The following MEI4 variants were observed in gnomAD, a reference collection of about 807,000 sequenced individuals.
The protein encoded by MEI4 is meiotic double-stranded break formation protein 4, also known as meiosis-specific protein MEI4.
In MEI4, 27 loss-of-function variants were observed where a neutral mutation model predicts 31.4. The ratio of observed to expected loss-of-function variants is 0.86; its 90% CI spans 0.63 to 1.19. The LOEUF is 1.19. MEI4 is among the 50% of genes most tolerant of loss of function. MEI4 has a pLI of 0.00. For missense variants in MEI4, 329 were observed against 398.9 expected (o/e 0.82, Z 1.49); for synonymous variants, 122 against 145.4 (o/e 0.84, Z 1.16).
chr6:77,733,351 C>T (rs1767072620), intron 2 of MEI4, among the ~76,000 whole-genome samples: 1 of 151,994 alleles, frequency 6.6e-6, no homozygotes, highest in African/African-American at 2.4e-5. Context: ...CTGGTTTAGT[C>T]TTGGGAGAGT....
intron 3 of MEI4, among the ~76,000 whole-genome samples, chr6:77,778,853 G>T (rs1582132886): frequency 6.6e-6 from 1 of 152,176 alleles, no homozygotes; most frequent in Admixed American, 6.5e-5. Flanking sequence ...GTGCATGGAG[G>T]TGCTATTTAG....
intron 3 of MEI4, among the ~76,000 whole-genome samples, chr6:77,801,004 C>T (rs1769239822): frequency 6.6e-6 from 1 of 152,014 alleles, no homozygotes; most frequent in South Asian, 2.1e-4. Flanking sequence ...ATGCTGGCCT[C>T]ATAAAATGAG....
chr6:77,733,675 G>C (rs886146407), intron 2 of MEI4, among the ~76,000 whole-genome samples: 1 of 151,774 alleles, frequency 6.6e-6, no homozygotes, highest in Non-Finnish European at 1.5e-5. Context: ...GCTAGCTTTT[G>C]AATACGTTTG....
chr6:77,690,770 A>G lies in MEI4; in HGVS notation c.99A>G (p.Thr33=). 1 of 1,231,754 alleles carries G rather than the reference A, an allele frequency of 8.1e-7. No homozygotes were observed. Among genetic ancestry groups the G allele is most frequent in the Non-Finnish European group, 1.0e-6 (1 of 987,480 alleles). The allele number at this position is 1,231,754 out of a possible 1,614,324, so 76.3% of individuals were successfully genotyped here. A position where few individuals can be genotyped will look rare whatever the true frequency, so the allele number is the denominator to read the frequency against. Residue 33 remains threonine, a synonymous_variant, in exon 2 of 5, where the codon ACA becomes ACG. Coordinates refer to ENST00000684080, the MANE Select transcript of MEI4 (RefSeq NM_001322247.2). The part of the protein sequence containing the change: ...KPADKSSREY[T]EHLAMLLSEE... ...CAGACAAAAGCAGCAGAGAATACAC[A>G]GAGCACCTTGCTATGTTGCTGTCTG...
chr6:77,812,617 T>C (rs1035871834), intron 3 of MEI4, among the ~76,000 whole-genome samples: 1 of 152,070 alleles, frequency 6.6e-6, no homozygotes, highest in Non-Finnish European at 1.5e-5. Flanking sequence ...TCCTTGATGG[T>C]GGAGGGCTGG....
At chr6:77,826,951 G>A (rs1769966550) in intron 3 of MEI4, among the ~76,000 whole-genome samples, 1 of 152,106 alleles carries the variant, frequency 6.6e-6, no homozygotes, top group Non-Finnish European at 1.5e-5. Flanking sequence ...ACTAAGCTTT[G>A]TGAATCCTCT....
chr6:77,849,282 A>G (rs2127717621), intron 4 of MEI4, among the ~76,000 whole-genome samples: 1 of 152,274 alleles, frequency 6.6e-6, no homozygotes, highest in African/African-American at 2.4e-5. Flanking sequence ...AGATAAAAGA[A>G]GTTTGTGTGG....
Position 77,755,851 on chromosome 6 carries a change from T to TGTGTGC in MEI4, c.233-5275_233-5274insGCGTGT, listed in dbSNP as rs370822572. ...GTGTGTGTGTGTGTGTGTGTGTGTG[T>TGTGTGC]GTGTATTTTACCTCTATTAAATCTA... On this transcript the variant is annotated intron_variant, in intron 2 of 4. Coordinates refer to ENST00000684080, the MANE Select transcript of MEI4 (RefSeq NM_001322247.2). Among the ~76,000 whole-genome samples, 1,261 of 151,816 alleles carry TGTGTGC rather than the reference T, an allele frequency of 8.3e-3. 9 individuals carry two copies. Among genetic ancestry groups the TGTGTGC allele is most frequent in the African/African-American group, 9.0e-3 (374 of 41,370 alleles).
In MEI4 at chr6:77,861,225, G is replaced by A. The variant is rs116394198; in HGVS notation, c.900+32163G>A. The stretch of plus-strand genomic sequence containing the variant: ...AGGCTTAGATTGGAAGGGAATTATA[G>A]GTTGGTACAAAAGTACTGGTGATCT... On this transcript the variant is annotated intron_variant, in intron 4 of 4. Coordinates refer to ENST00000684080, the MANE Select transcript of MEI4 (RefSeq NM_001322247.2). 3.3e-3 allele frequency among the ~76,000 whole-genome samples: 496 copies of A among 152,242 alleles called. 2 individuals are homozygous for A. Among genetic ancestry groups the A allele is most frequent in the African/African-American group, 0.012 (485 of 41,544 alleles).
At chr6:77,914,674 T>C (rs1562037065) in intron 4 of MEI4, among the ~76,000 whole-genome samples, 2 of 152,148 alleles carry the variant, frequency 1.3e-5, no homozygotes, top group African/African-American at 4.8e-5. Context: ...GAGTTGGTTG[T>C]TGAAGTTCCC....
At position 77,923,424 on chromosome 6, in the gene MEI4, C is replaced by T; in HGVS notation, c.*78C>T. ...GAAAATCTCATACTGAAAAGATTTT[C>T]AATAGTATTTTAATTAGCATTTTAG... On this transcript the variant is annotated 3_prime_UTR_variant, in exon 5 of 5. Transcript: ENST00000684080. The T allele has an allele frequency of 9.2e-7, 1 of 1,083,278 alleles. No homozygotes were observed. Among genetic ancestry groups the T allele is most frequent in the Non-Finnish European group, 1.2e-6 (1 of 854,370 alleles). 67.1% of individuals were successfully genotyped at this position (1,083,278 alleles called of 1,614,324 possible).
At chr6:77,867,888 T>TA (rs1266998825) in intron 4 of MEI4, among the ~76,000 whole-genome samples, 1 of 152,076 alleles carries the variant, frequency 6.6e-6, no homozygotes, top group Non-Finnish European at 1.5e-5. Context: ...TATGCAGCCA[T>TA]AAAAAATGAT....
intron 4 of MEI4, among the ~76,000 whole-genome samples, chr6:77,840,772 A>G (rs1366781978): frequency 1.3e-5 from 2 of 152,184 alleles, no homozygotes; most frequent in Admixed American, 1.3e-4. Flanking sequence ...TATAGATGCC[A>G]GAGAAAAATG....
chr6:77,831,542 C>A (rs1268119657), intron 4 of MEI4, among the ~76,000 whole-genome samples: 1 of 150,128 alleles, frequency 6.7e-6, no homozygotes, highest in Non-Finnish European at 1.5e-5. Context: ...AATAATATTC[C>A]TCTCTCTCTA....
At chr6:77,872,564 T>C (rs902848120) in intron 4 of MEI4, among the ~76,000 whole-genome samples, 18 of 152,014 alleles carry the variant, frequency 1.2e-4, no homozygotes, top group African/African-American at 4.3e-4. Context: ...GTTTATTTTT[T>C]TATTTTTTAT....
intron 2 of MEI4, among the ~76,000 whole-genome samples, chr6:77,748,300 A>C (rs773526808): frequency 2.0e-5 from 3 of 152,218 alleles, no homozygotes; most frequent in African/African-American, 4.8e-5. Flanking sequence ...ACATCCAGGC[A>C]TTTCCATACA....
chr6:77,798,884 G>A (rs933556306), intron 3 of MEI4, among the ~76,000 whole-genome samples: 3 of 151,640 alleles, frequency 2.0e-5, no homozygotes, highest in Admixed American at 2.0e-4. Flanking sequence ...TCTTAATCCA[G>A]TCTATCATTG....
At chr6:77,741,742 C>T (rs1428046626) in intron 2 of MEI4, among the ~76,000 whole-genome samples, 3 of 150,024 alleles carry the variant, frequency 2.0e-5, no homozygotes, top group Admixed American at 6.6e-5. Context: ...TAGCATTAGG[C>T]ATATCTCCTA....
chr6:77,907,865 A>C (rs879055107), intron 4 of MEI4, among the ~76,000 whole-genome samples: 1 of 151,982 alleles, frequency 6.6e-6, no homozygotes, highest in Non-Finnish European at 1.5e-5. Flanking sequence ...ATGGTATCTC[A>C]TTGTGGTTTT....
Sources: gnomAD v4.1 joint callset for allele counts (sites outside exome capture counted in the v4.1 genomes callset) on GRCh38, gnomAD v4.1.1 for gene constraint, MANE v1.5 for transcripts, NCBI Gene and HGNC (gene_info 2026-07-23, HGNC 2026-07-21) for gene names.